MIER1: variants seen among roughly 807,000 people sequenced by gnomAD.
MIER1 encodes the protein MIER1 transcriptional regulator.
In MIER1, 40 loss-of-function variants were observed where a neutral mutation model predicts 75.7. The ratio of observed to expected loss-of-function variants is 0.53; its 90% CI spans 0.41 to 0.69. The LOEUF (loss-of-function observed/expected upper bound fraction) is 0.69. Among genes scored for constraint, MIER1 ranks in the 30% least tolerant of loss-of-function variants. The pLI, the probability that MIER1 is intolerant of heterozygous loss-of-function variation, is 0.00. For missense variants in MIER1, 574 were observed against 680.2 expected, an observed-to-expected ratio of 0.84 and a Z score of 1.74; for synonymous variants, 213 against 223.4, an observed-to-expected ratio of 0.95 and a Z score of 0.42.
chr1:66,927,432 T>C lies in MIER1; in HGVS notation c.168+1190T>C, dbSNP rs1333369052. On this transcript the variant is annotated intron_variant, in intron 2 of 13. Transcript: ENST00000401041. ...ACTACTGTTTTGGATATCACATTAA[T>C]AAATAACAAAGTGTAATAATTTTAA... Among the ~76,000 whole-genome samples, 7 of 152,152 alleles carry C rather than the reference T, an allele frequency of 4.6e-5. No individual in the cohort carries two copies. The East Asian group carries it at 1.3e-3, about 29-fold the overall frequency.
At position 66,986,158 on chromosome 1, in the gene MIER1, A is replaced by C. The variant is rs546964135; in HGVS notation, c.*1258A>C. On this transcript the variant is annotated 3_prime_UTR_variant, in exon 14 of 14. Transcript: ENST00000401041. ...GAAAGTGAAGTTTGAAAACTTTTCA[A>C]ACTTTTCTAGTTACAATCCAATTTT... The C allele has an allele frequency of 2.3e-5, 28 of 1,191,934 alleles. No homozygotes were observed. In the South Asian group the frequency reaches 6.9e-4, roughly 29 times the overall value. The allele number at this position is 1,191,934 out of a possible 1,614,324, so 73.8% of individuals were successfully genotyped here.
chr1:66,967,544 A>C (rs553431938), intron 8 of MIER1, among the ~76,000 whole-genome samples: 1 of 152,112 alleles, frequency 6.6e-6, no homozygotes, highest in Admixed American at 6.6e-5. Context: ...TGTCATTGGT[A>C]ATTTGATAAG....
chr1:66,970,721 C>T, intron 8 of MIER1, 87 bp from the exon 9 acceptor site: 2 of 1,010,284 alleles, frequency 2.0e-6, no homozygotes, highest in Non-Finnish European at 2.8e-6. Flanking sequence ...CAACATTTGG[C>T]TCTGAGTTGT....
Position 66,925,005 on chromosome 1 carries a change from T to C in MIER1, c.-24T>C. ...CCCGGGCCTCAGGCCCCTCCCAGGCTCTGAGTCTCCCGGCTGCAGGCGGAT... is the reference window on the plus strand; with the variant it reads ...CCCGGGCCTCAGGCCCCTCCCAGGCCCTGAGTCTCCCGGCTGCAGGCGGAT... On this transcript the variant is annotated 5_prime_UTR_variant, in exon 1 of 14. Transcript: ENST00000401041. 1 of 1,546,068 alleles carries C rather than the reference T, an allele frequency of 6.5e-7. No individual in the cohort carries two copies. The highest frequency in any genetic ancestry group is 8.7e-7 in the Non-Finnish European group (1 of 1,145,536).
intron 2 of MIER1, among the ~76,000 whole-genome samples, chr1:66,929,749 G>A (rs1014063467): frequency 1.3e-5 from 2 of 152,134 alleles, no homozygotes; most frequent in African/African-American, 4.8e-5. Context: ...ATTAATTTTT[G>A]CTCTGACCTC....
At chr1:66,930,111 T>C in intron 2 of MIER1, 1 of 896,926 alleles carries the variant, frequency 1.1e-6, no homozygotes, top group Non-Finnish European at 1.4e-6. Flanking sequence ...CCTCCGCTCT[T>C]CCCGGGGAGG....
At chr1:66,981,055 T>A (rs1400808044) in intron 12 of MIER1, among the ~76,000 whole-genome samples, 1 of 149,346 alleles carries the variant, frequency 6.7e-6, no homozygotes, top group Non-Finnish European at 1.5e-5. Context: ...GAAACATTTT[T>A]ATGTACATAT....
At chr1:66,932,275 A>G (rs1653611207) in intron 2 of MIER1, among the ~76,000 whole-genome samples, 2 of 152,148 alleles carry the variant, frequency 1.3e-5, no homozygotes, top group Non-Finnish European at 2.9e-5. Context: ...TTTTGTGGGA[A>G]CGCATGGATT....
At position 66,973,220 on chromosome 1, in the gene MIER1, C is replaced by T. The variant is rs376717593; in HGVS notation, c.1101+229C>T. On this transcript the variant is annotated intron_variant, in intron 11 of 13. Coordinates refer to ENST00000401041, the MANE Select transcript of MIER1 (RefSeq NM_001077700.3). The stretch of plus-strand genomic sequence containing the variant: ...ATATTGCAGGTGTTTAAGAATTGTA[C>T]TCATTTACAAGCATGTTAATCAACT... Among the ~76,000 whole-genome samples the T allele has an allele frequency of 9.2e-5, 14 of 152,088 alleles. No homozygotes were observed. The East Asian group carries it at 2.3e-3, about 25-fold the overall frequency.
intron 2 of MIER1, among the ~76,000 whole-genome samples, chr1:66,935,760 A>G (rs1175092762): frequency 6.6e-6 from 1 of 152,188 alleles, no homozygotes. Flanking sequence ...ATTATTTCAT[A>G]TTCCAGCCCA....
intron 3 of MIER1, among the ~76,000 whole-genome samples, chr1:66,941,156 G>A (rs1388043519): frequency 6.6e-6 from 1 of 152,198 alleles, no homozygotes; most frequent in East Asian, 1.9e-4. Context: ...ACTGGACTCT[G>A]AGGGTTGGAC....
intron 7 of MIER1, 112 bp from the exon 8 acceptor site, chr1:66,962,976 T>C: frequency 1.5e-6 from 1 of 670,398 alleles, no homozygotes. Context: ...TGGTTGTTTT[T>C]GTATTTTATG....
intron 3 of MIER1, chr1:66,940,270 CTTTTTTTTTTTT>C (rs35904130): frequency 1.5e-5 from 2 of 131,452 alleles, no homozygotes; most frequent in African/African-American, 9.4e-5. Context: ...TTTGGGTTTT[CTTTTTTTTTTTT>C]TTTTTTTTTG....
At chr1:66,982,126 C>T (rs143864195) in intron 13 of MIER1, among the ~76,000 whole-genome samples, 5 of 152,270 alleles carry the variant, frequency 3.3e-5, no homozygotes, top group African/African-American at 1.2e-4. Context: ...TTAATAAAGC[C>T]TACTGTCAAC....
intron 13 of MIER1, among the ~76,000 whole-genome samples, chr1:66,982,437 AAG>A (rs1371948260): frequency 1.3e-5 from 2 of 152,226 alleles, no homozygotes; most frequent in South Asian, 2.1e-4. Flanking sequence ...CTCCAAGAAA[AAG>A]AGAAGAAAAA....
At chr1:66,926,388 CAT>C (rs1474317611) in intron 2 of MIER1, 146 bp downstream of exon 2, 20 of 619,328 alleles carry the variant, frequency 3.2e-5, no homozygotes, top group Non-Finnish European at 5.2e-5. Context: ...ATAAAAATAA[CAT>C]GTCATCAATG....
chr1:66,985,512 CT>C lies in MIER1; in HGVS notation c.*615del. 1.0e-6 allele frequency: 1 copy of C among 984,010 alleles called. No individual in the cohort carries two copies. Among genetic ancestry groups the C allele is most frequent in the Non-Finnish European group, 1.2e-6 (1 of 828,572 alleles). The allele number at this position is 984,010 out of a possible 1,614,324, so 61.0% of individuals were successfully genotyped here. The stretch of plus-strand genomic sequence containing the variant: ...GTAAAATTGTTGACATCAATGATGT[CT>C]TTCCATATTCTTATCTGGGCTTAAG... On this transcript the variant is annotated 3_prime_UTR_variant, in exon 14 of 14. Coordinates refer to ENST00000401041, the MANE Select transcript of MIER1 (RefSeq NM_001077700.3).
At chr1:66,963,034 G>T in intron 7 of MIER1, 54 bp from the exon 8 acceptor site, 2 of 1,219,374 alleles carry the variant, frequency 1.6e-6, no homozygotes, top group Non-Finnish European at 2.4e-6. Flanking sequence ...CTAGAAAATG[G>T]ATATAAAATC....
intron 9 of MIER1, 121 bp from the exon 10 acceptor site, chr1:66,971,534 C>A: frequency 1.7e-6 from 1 of 585,090 alleles, no homozygotes; most frequent in Non-Finnish European, 3.1e-6. Flanking sequence ...ATATAACATT[C>A]ACTAAAGTTA....
Sources: allele counts gnomAD v4.1 joint callset (sites outside exome capture counted in the v4.1 genomes callset), GRCh38; gene constraint gnomAD v4.1.1; transcripts MANE v1.5; gene names NCBI Gene and HGNC (gene_info 2026-07-23, HGNC 2026-07-21).